The following SLC1A7 variants were observed in gnomAD, a reference collection of about 807,000 sequenced individuals.
The protein encoded by SLC1A7 is solute carrier family 1 member 7, also known as excitatory amino acid transporter 5.
SLC1A7 carries 40 observed loss-of-function variants against 47.7 expected under a neutral mutation model. That is an observed-to-expected ratio of 0.84 (90% confidence interval 0.65 to 1.09). The LOEUF (loss-of-function observed/expected upper bound fraction) is 1.09. Ranked by LOEUF, SLC1A7 falls within the 50% of genes least tolerant of loss-of-function variation. SLC1A7 has a pLI of 0.00. For synonymous variants in SLC1A7, 323 were observed against 325.6 expected (o/e 0.99, Z 0.09); for missense variants, 746 against 769.5 (o/e 0.97, Z 0.36).
rs552503116 is a variant in SLC1A7, at chr1:53,095,471, C to G, written c.698-1911G>C. ...ACCCCGCCTTGGTACACTCACACAC[C>G]TTGCCTCAGTACATTCACACCGCCT... On this transcript the variant is annotated intron_variant, in intron 5 of 10. Coordinates refer to ENST00000371494, the MANE Select transcript of SLC1A7 (RefSeq NM_006671.6). Among the ~76,000 whole-genome samples the G allele has an allele frequency of 4.5e-3, 681 of 150,866 alleles. 3 individuals are homozygous for G. The highest frequency in any genetic ancestry group is 0.021 in the Middle Eastern group (6 of 288).
At chr1:53,121,090 CCT>C (rs1239344440) in intron 2 of SLC1A7, among the ~76,000 whole-genome samples, 1 of 152,216 alleles carries the variant, frequency 6.6e-6, no homozygotes, top group African/African-American at 2.4e-5. Context: ...GTTATAATTT[CCT>C]CTGTCTTCAC....
At position 53,092,548 on chromosome 1, in the gene SLC1A7, G is replaced by A. The variant is rs1644434376; in HGVS notation, c.1031+6C>T. 6.2e-7 allele frequency: 1 copy of A among 1,606,588 alleles called. No individual in the cohort carries two copies. The highest frequency in any genetic ancestry group is 2.2e-5 in the East Asian group (1 of 44,828). ...TCCCCACCGTCCTGCCCGTCCCCGG[G>A]GCTACCTGGAGGAGGTGGCCAGCGC... On this transcript the variant is annotated splice_donor_region_variant and intron_variant, in intron 7 of 10. Transcript: ENST00000371494.
chr1:53,134,473 C>T, intron 1 of SLC1A7, 44 bp from the exon 2 acceptor site: 1 of 1,310,134 alleles, frequency 7.6e-7, no homozygotes, highest in Non-Finnish European at 1.1e-6. Flanking sequence ...GAGATGCAGA[C>T]TGCACAGTGG....
At chr1:53,100,187 ACCCC>A (rs879685967) in intron 5 of SLC1A7, among the ~76,000 whole-genome samples, 30,633 of 147,228 alleles carry the variant, frequency 0.21, 3,235 homozygotes, top group Middle Eastern at 0.29. Flanking sequence ...ACATTCACAC[ACCCC>A]ACCTTGGTAT....
chr1:53,088,319 G>A, intron 10 of SLC1A7, 92 bp from the exon 11 acceptor site: 1 of 1,069,588 alleles, frequency 9.3e-7, no homozygotes. Context: ...AATGAGCTCA[G>A]GGCTAGGAAC....
In SLC1A7 at chr1:53,115,036, C is replaced by G. The variant is rs1489972027; in HGVS notation, c.216-63G>C. 3.2e-5 allele frequency: 41 copies of G among 1,297,136 alleles called. No homozygotes were observed. In the East Asian group the frequency reaches 9.9e-4, roughly 31 times the overall value. 80.4% of individuals were successfully genotyped at this position (1,297,136 alleles called of 1,614,324 possible). ...GCCAGGGCCTGGCTGGCACTCAGCGCTCACTCAGCCCCTCCTGGCCATGTC... is the reference window on the plus strand; with the variant it reads ...GCCAGGGCCTGGCTGGCACTCAGCGGTCACTCAGCCCCTCCTGGCCATGTC... On this transcript the variant is annotated intron_variant, in intron 2 of 10. Coordinates refer to ENST00000371494, the MANE Select transcript of SLC1A7 (RefSeq NM_006671.6).
chr1:53,105,216 T>C (rs1343276319), intron 4 of SLC1A7, among the ~76,000 whole-genome samples: 1 of 152,240 alleles, frequency 6.6e-6, no homozygotes, highest in Non-Finnish European at 1.5e-5. Flanking sequence ...TTATATTGTT[T>C]GGTATTTTCC....
rs573548376 is a variant in SLC1A7, at chr1:53,097,596, C to T, written c.698-4036G>A. ...CTTGGCACACTCACACATACTGCCT[C>T]GGTACACTCAAACACCTCGCCTCGG... On this transcript the variant is annotated intron_variant, in intron 5 of 10. Coordinates refer to ENST00000371494, the MANE Select transcript of SLC1A7 (RefSeq NM_006671.6). Among the ~76,000 whole-genome samples, 20 of 151,040 alleles carry T rather than the reference C, an allele frequency of 1.3e-4. No homozygotes were observed. The East Asian group carries it at 2.8e-3, about 21-fold the overall frequency.
intron 2 of SLC1A7, among the ~76,000 whole-genome samples, chr1:53,116,649 G>A (rs1679910): frequency 0.34 from 51,188 of 151,910 alleles, 9,961 homozygotes; most frequent in Non-Finnish European, 0.43. Context: ...GGGCCGGTGC[G>A]TCAACCCAGG....
intron 7 of SLC1A7, among the ~76,000 whole-genome samples, chr1:53,091,628 G>T (rs1480559273): frequency 6.6e-6 from 1 of 152,242 alleles, no homozygotes; most frequent in South Asian, 2.1e-4. Context: ...CCTGAATCCT[G>T]CAGGAGGTGC....
chr1:53,131,528 A>G (rs1344702274), intron 2 of SLC1A7, among the ~76,000 whole-genome samples: 1 of 152,182 alleles, frequency 6.6e-6, no homozygotes, highest in African/African-American at 2.4e-5. Context: ...CAGTGCACTT[A>G]TTTAGCTGTT....
chr1:53,127,038 G>GTTTTTTT (rs61456544), intron 2 of SLC1A7, among the ~76,000 whole-genome samples: 1,647 of 97,272 alleles, frequency 0.017, 23 homozygotes, highest in African/African-American at 0.025. Context: ...AATTTTAAAA[G>GTTTTTTT]TTTTTTTTTT....
At chr1:53,090,346 A>G in intron 8 of SLC1A7, 1 of 568,438 alleles carries the variant, frequency 1.8e-6, no homozygotes, top group Non-Finnish European at 3.0e-6. Context: ...GCCGCATCCC[A>G]GCACCCCTTC....
chr1:53,115,147 T>C (rs1018294003), intron 2 of SLC1A7, 174 bp from the exon 3 acceptor site: 2 of 621,668 alleles, frequency 3.2e-6, no homozygotes, highest in Admixed American at 2.6e-5. Flanking sequence ...TGCTCTGCCC[T>C]CTCCCCCACG....
chr1:53,091,017 TGAGGAAGCTGACGCCCA>T, intron 7 of SLC1A7: 1 of 1,412,774 alleles, frequency 7.1e-7, no homozygotes, highest in East Asian at 2.5e-5. Context: ...ATTTTACAGA[TGAGGAAGCTGACGCCCA>T]GAGGGCGGGG....
intron 5 of SLC1A7, among the ~76,000 whole-genome samples, chr1:53,094,466 C>T (rs1399896969): frequency 6.6e-6 from 1 of 152,226 alleles, no homozygotes; most frequent in African/African-American, 2.4e-5. Flanking sequence ...ATGAGGCCCA[C>T]TGTCATGGTG....
At chr1:53,124,245 A>G (rs2150339467) in intron 2 of SLC1A7, among the ~76,000 whole-genome samples, 1 of 776 alleles carries the variant, frequency 1.3e-3, no homozygotes, top group Non-Finnish European at 0.028. Context: ...AACAATACAT[A>G]CACAACACAC....
intron 2 of SLC1A7, among the ~76,000 whole-genome samples, chr1:53,120,680 A>G (rs1644809780): frequency 6.6e-6 from 1 of 152,168 alleles, no homozygotes; most frequent in Non-Finnish European, 1.5e-5. Flanking sequence ...CCACTTCCCC[A>G]GGGCACCCTG....
chr1:53,136,057 T>A, intron 1 of SLC1A7, among the ~76,000 whole-genome samples: 1 of 151,758 alleles, frequency 6.6e-6, no homozygotes, highest in Non-Finnish European at 1.5e-5. Context: ...CCACCCAATG[T>A]TAACCGCAGC....
Sources: allele counts gnomAD v4.1 joint callset (sites outside exome capture counted in the v4.1 genomes callset), GRCh38; gene constraint gnomAD v4.1.1; transcripts MANE v1.5; gene names NCBI Gene and HGNC (gene_info 2026-07-23, HGNC 2026-07-21).